The following ATP8A1 variants were observed in gnomAD, a reference collection of about 807,000 sequenced individuals.
ATP8A1 encodes ATPase phospholipid transporting 8A1.
ATP8A1 carries 90 observed loss-of-function variants against 177.7 expected under a neutral mutation model. The ratio of observed to expected loss-of-function variants is 0.51; its 90% CI spans 0.43 to 0.60. ATP8A1 has a LOEUF of 0.60. Among genes scored for constraint, ATP8A1 ranks in the 20% least tolerant of loss-of-function variants. The probability of loss-of-function intolerance (pLI) is 0.00; values close to 1 mark genes in which losing one functional copy is unlikely to be tolerated. For synonymous variants in ATP8A1, 493 were observed against 485.9 expected, an observed-to-expected ratio of 1.01 and a Z score of -0.19; for missense variants, 1,072 against 1,392.8, an observed-to-expected ratio of 0.77 and a Z score of 3.67.
chr4:42,635,037 A>T (rs1490554561), intron 1 of ATP8A1, among the ~76,000 whole-genome samples: 1 of 152,194 alleles, frequency 6.6e-6, no homozygotes, highest in African/African-American at 2.4e-5. Flanking sequence ...AGTCTTAAAG[A>T]CTGTAATGTA....
chr4:42,452,792 T>A (rs1188599205), intron 29 of ATP8A1, among the ~76,000 whole-genome samples: 1 of 152,244 alleles, frequency 6.6e-6, no homozygotes, highest in South Asian at 2.1e-4. Flanking sequence ...AGAATTCTTA[T>A]GGCCCCTCTG....
intron 36 of ATP8A1, among the ~76,000 whole-genome samples, chr4:42,414,024 GC>G (rs1712937119): frequency 6.6e-6 from 1 of 152,212 alleles, no homozygotes; most frequent in Non-Finnish European, 1.5e-5. Flanking sequence ...TTTAGAAAAG[GC>G]CTCTTGAAGT....
chr4:42,422,656 T>C, intron 35 of ATP8A1, 151 bp downstream of exon 35: 2 of 628,614 alleles, frequency 3.2e-6, no homozygotes, highest in Non-Finnish European at 5.5e-6. Context: ...AAGCGACAGA[T>C]TTAAATCCAC....
intron 24 of ATP8A1, among the ~76,000 whole-genome samples, chr4:42,489,292 G>A (rs1722510861): frequency 1.3e-5 from 2 of 152,194 alleles, no homozygotes; most frequent in South Asian, 4.1e-4. Flanking sequence ...CCCCAGAACT[G>A]TGAAACGCCC....
chr4:42,509,404 C>T (rs1393868169), intron 22 of ATP8A1, among the ~76,000 whole-genome samples: 3 of 152,186 alleles, frequency 2.0e-5, no homozygotes, highest in African/African-American at 7.2e-5. Context: ...CTAAATTGGC[C>T]AGGCAACAGT....
At chr4:42,459,823 T>C (rs530843843) in intron 27 of ATP8A1, among the ~76,000 whole-genome samples, 160 of 152,278 alleles carry the variant, frequency 1.1e-3, no homozygotes, top group African/African-American at 3.3e-3. Context: ...AGAGTCTCGC[T>C]CTGTCACCCA....
chr4:42,599,386 TA>T (rs1735026132), intron 6 of ATP8A1, among the ~76,000 whole-genome samples: 1 of 152,346 alleles, frequency 6.6e-6, no homozygotes, highest in Non-Finnish European at 1.5e-5. Flanking sequence ...TTAGCATTTT[TA>T]TTTTGTTCTT....
At chr4:42,545,532 T>C (rs1728814094) in intron 19 of ATP8A1, among the ~76,000 whole-genome samples, 1 of 152,246 alleles carries the variant, frequency 6.6e-6, no homozygotes, top group African/African-American at 2.4e-5. Context: ...TGCTCCTTAC[T>C]GCCCAGTAAC....
rs1731064335 is a variant in ATP8A1 at position 42,563,658 on chromosome 4, T to A, written c.1340+5503A>T. On this transcript the variant is annotated intron_variant, in intron 15 of 36. Coordinates refer to ENST00000381668, the MANE Select transcript of ATP8A1 (RefSeq NM_006095.2). Reference sequence around the variant, plus strand: ...TCATGGGCTAGGGCCAGGGTCCCCATGCTGTGTGCAGTCTAGGACTTGGTG... The same window carrying A: ...TCATGGGCTAGGGCCAGGGTCCCCAAGCTGTGTGCAGTCTAGGACTTGGTG... Among the ~76,000 whole-genome samples, 4 of 152,166 alleles carry A rather than the reference T, an allele frequency of 2.6e-5. No individual in the cohort carries two copies. In the South Asian group the frequency reaches 8.3e-4, roughly 32 times the overall value.
chr4:42,583,780 C>T (rs963201752), intron 9 of ATP8A1, among the ~76,000 whole-genome samples: 27 of 152,284 alleles, frequency 1.8e-4, no homozygotes, highest in Admixed American at 1.4e-3. Context: ...ACATGAAATA[C>T]AGCATATTAT....
At chr4:42,652,136 T>C (rs571309352) in intron 1 of ATP8A1, among the ~76,000 whole-genome samples, 1 of 152,356 alleles carries the variant, frequency 6.6e-6, no homozygotes, top group South Asian at 2.1e-4. Context: ...CATTTGGATG[T>C]CCCCGTTACC....
At chr4:42,602,109 A>G (rs946278427) in intron 5 of ATP8A1, among the ~76,000 whole-genome samples, 1 of 152,198 alleles carries the variant, frequency 6.6e-6, no homozygotes, top group Non-Finnish European at 1.5e-5. Context: ...AACTTCATTA[A>G]TTTAAAAAAA....
intron 33 of ATP8A1, among the ~76,000 whole-genome samples, chr4:42,438,313 A>G (rs1716230988): frequency 6.6e-6 from 1 of 152,190 alleles, no homozygotes; most frequent in African/African-American, 2.4e-5. Flanking sequence ...ATGAGTGACT[A>G]CATGAAAAGT....
intron 18 of ATP8A1, among the ~76,000 whole-genome samples, chr4:42,550,019 C>A (rs146146708): frequency 6.6e-6 from 1 of 151,958 alleles, no homozygotes; most frequent in Non-Finnish European, 1.5e-5. Context: ...GTAATTAGCA[C>A]CCCAATCAAG....
At chr4:42,638,896 T>A (rs933184009) in intron 1 of ATP8A1, among the ~76,000 whole-genome samples, 30 of 152,174 alleles carry the variant, frequency 2.0e-4, no homozygotes, top group African/African-American at 7.0e-4. Context: ...CAAGGCAGAC[T>A]GACACTACGG....
At chr4:42,433,346 T>G (rs1012777001) in intron 33 of ATP8A1, among the ~76,000 whole-genome samples, 1 of 152,200 alleles carries the variant, frequency 6.6e-6, no homozygotes, top group African/African-American at 2.4e-5. Flanking sequence ...TAATTGTCTG[T>G]GGGACTACTC....
intron 14 of ATP8A1, among the ~76,000 whole-genome samples, 164 bp downstream of exon 14, chr4:42,574,455 G>A (rs13148015): frequency 0.082 from 12,412 of 152,078 alleles, 693 homozygotes; most frequent in Middle Eastern, 0.17. Flanking sequence ...TGCTAAACTA[G>A]AAACGCGAAA....
intron 20 of ATP8A1, among the ~76,000 whole-genome samples, chr4:42,537,394 C>T (rs1477938790): frequency 1.9e-4 from 29 of 151,434 alleles, no homozygotes. Flanking sequence ...TTTTATTCAA[C>T]ATAATACGGA....
rs1730021065 is a variant in ATP8A1, at chr4:42,555,143, T to TATCTAATCA, written c.1413+824_1413+825insTGATTAGAT. ...TATCTATCTATCTATCTATCTAATC[T>TATCTAATCA]ATCTATCTATCTATCTATCTATCTA... On this transcript the variant is annotated intron_variant, in intron 16 of 36. Transcript: ENST00000381668. 1.1e-4 allele frequency among the ~76,000 whole-genome samples: 7 copies of TATCTAATCA among 64,842 alleles called. No homozygotes were observed. The East Asian group carries it at 2.9e-3, about 27-fold the overall frequency. 42.5% of individuals were successfully genotyped at this position (64,842 alleles called of 152,430 possible).
Sources: allele counts gnomAD v4.1 joint callset (sites outside exome capture counted in the v4.1 genomes callset), GRCh38; gene constraint gnomAD v4.1.1; transcripts MANE v1.5; gene names NCBI Gene and HGNC (gene_info 2026-07-23, HGNC 2026-07-21).